The following GSE1 variants were observed in gnomAD, a reference collection of about 807,000 sequenced individuals.
GSE1 encodes the protein Gse1 coiled-coil protein.
Under a neutral mutation model 112.6 loss-of-function variants are expected in GSE1, and 32 were observed. The observed-to-expected ratio is 0.28, with a 90% CI of 0.21 to 0.38. The LOEUF is 0.38. Ranked by LOEUF, GSE1 falls within the 10% of genes least tolerant of loss-of-function variation. The probability of loss-of-function intolerance (pLI) is 1.00; values close to 1 mark genes in which losing one functional copy is unlikely to be tolerated. For missense variants in GSE1, 2,348 were observed against 1,699.2 expected, an observed-to-expected ratio of 1.38 and a Z score of -6.71; for synonymous variants, 1,115 against 735.6, an observed-to-expected ratio of 1.52 and a Z score of -8.35.
chr16:85,551,829 C>A (rs772669935), upstream of GSE1, among the ~76,000 whole-genome samples: 12 of 152,192 alleles, frequency 7.9e-5, no homozygotes, highest in Non-Finnish European at 1.8e-4. Context: ...TAAGGTAATT[C>A]GATGCAGGCA....
chr16:85,553,962 G>A (rs2045067405), upstream of GSE1, among the ~76,000 whole-genome samples: 1 of 152,078 alleles, frequency 6.6e-6, no homozygotes, highest in Non-Finnish European at 1.5e-5. Flanking sequence ...TGGTGTGAGC[G>A]CGGTGCCCCG....
intron 2 of GSE1, among the ~76,000 whole-genome samples, chr16:85,450,696 G>A (rs920958893): frequency 6.6e-6 from 1 of 151,618 alleles, no homozygotes; most frequent in East Asian, 2.0e-4. Context: ...TGATCCACCC[G>A]CCTTGGCCTC....
intron 2 of GSE1, among the ~76,000 whole-genome samples, chr16:85,415,529 G>A (rs766288803): frequency 1.3e-5 from 2 of 152,198 alleles, no homozygotes; most frequent in African/African-American, 2.4e-5. Flanking sequence ...CTCCCCGAAG[G>A]CAAGGCAGAT....
At chr16:85,509,572 G>A (rs944712931) in intron 2 of GSE1, among the ~76,000 whole-genome samples, 1 of 152,248 alleles carries the variant, frequency 6.6e-6, no homozygotes, top group African/African-American at 2.4e-5. Flanking sequence ...CTTGCCTGGT[G>A]CTTTGCGGGT....
upstream of GSE1, chr16:85,613,274 C>T (rs2048116310): frequency 6.5e-7 from 1 of 1,536,348 alleles, no homozygotes; most frequent in East Asian, 2.6e-5. Context: ...CTCCACCTCC[C>T]CAGCGGGCCC....
intron 2 of GSE1, among the ~76,000 whole-genome samples, chr16:85,462,831 C>T (rs1393463257): frequency 2.8e-5 from 4 of 144,110 alleles, no homozygotes; most frequent in African/African-American, 5.0e-5. Context: ...GCGGCGTGAG[C>T]GGCTGCGGGG....
At position 85,587,178 on chromosome 16, in the gene GSE1, C is replaced by A. The variant is rs989507988; in HGVS notation, c.37+30815C>A. Among the ~76,000 whole-genome samples, 16 of 150,784 alleles carry A rather than the reference C, an allele frequency of 1.1e-4. No individual in the cohort carries two copies. In the East Asian group the frequency reaches 1.2e-3, roughly 11 times the overall value. On this transcript the variant is annotated intron_variant, in intron 1 of 2. Transcript: ENST00000635906. The stretch of plus-strand genomic sequence containing the variant: ...TGGTCTGAGGACGAAACCCCCCCCC[C>A]CCCAGACCAGACCCCATGGTCTGGA...
intron 1 of GSE1, among the ~76,000 whole-genome samples, chr16:85,625,555 T>G (rs2049013450): frequency 6.6e-6 from 1 of 152,158 alleles, no homozygotes; most frequent in Non-Finnish European, 1.5e-5. Context: ...TGTCCAATGC[T>G]GTTGTGTGGA....
chr16:85,403,958 T>C (rs1372105707), intron 2 of GSE1, among the ~76,000 whole-genome samples: 1 of 152,310 alleles, frequency 6.6e-6, no homozygotes, highest in African/African-American at 2.4e-5. Flanking sequence ...CTTCCAGGGC[T>C]TGTGGCCGCT....
At chr16:85,628,563 C>G (rs1218837195) in intron 1 of GSE1, among the ~76,000 whole-genome samples, 1 of 152,178 alleles carries the variant, frequency 6.6e-6, no homozygotes, top group African/African-American at 2.4e-5. Flanking sequence ...GGCTGGGGAG[C>G]TGTGGGTGAG....
At chr16:85,653,083 C>G (rs952352269) in intron 3 of GSE1, among the ~76,000 whole-genome samples, 3 of 150,042 alleles carry the variant, frequency 2.0e-5, no homozygotes, top group African/African-American at 4.9e-5. Context: ...GGGGAAGATG[C>G]TGGGGCTGAG....
At chr16:85,565,883 A>T (rs1473630199) in intron 1 of GSE1, among the ~76,000 whole-genome samples, 1 of 152,176 alleles carries the variant, frequency 6.6e-6, no homozygotes, top group Non-Finnish European at 1.5e-5. Flanking sequence ...TGTCCTTGCC[A>T]GTCTTCTGGT....
At chr16:85,276,002 T>G (rs1207329371) in intron 1 of GSE1, among the ~76,000 whole-genome samples, 2 of 152,212 alleles carry the variant, frequency 1.3e-5, no homozygotes, top group Non-Finnish European at 2.9e-5. Flanking sequence ...CTCCCAGCGA[T>G]GGGCAAACAG....
chr16:85,440,084 G>T (rs547513065), intron 2 of GSE1, among the ~76,000 whole-genome samples: 4 of 152,366 alleles, frequency 2.6e-5, no homozygotes, highest in Admixed American at 1.3e-4. Flanking sequence ...GACATCCCGT[G>T]TCTTGTTCTC....
At chr16:85,351,353 A>G (rs1279268608) in intron 1 of GSE1, among the ~76,000 whole-genome samples, 2 of 152,238 alleles carry the variant, frequency 1.3e-5, no homozygotes, top group Admixed American at 6.5e-5. Flanking sequence ...ACACTACAAC[A>G]TGACAAACCT....
At chr16:85,478,966 TCC>T (rs1491110227) in intron 2 of GSE1, among the ~76,000 whole-genome samples, 3 of 18,280 alleles carry the variant, frequency 1.6e-4, no homozygotes, top group African/African-American at 2.2e-3. Context: ...TTTCTTTCTT[TCC>T]TTCCTTCCTT....
At chr16:85,636,240 C>T (rs542489903) in intron 2 of GSE1, among the ~76,000 whole-genome samples, 25 of 152,316 alleles carry the variant, frequency 1.6e-4, no homozygotes, top group Admixed American at 5.9e-4. Flanking sequence ...AGCGGGCGAG[C>T]AGTGCCACTG....
Position 85,615,264 on chromosome 16 carries a change from C to T in GSE1, c.7+1866C>T, listed in dbSNP as rs137882357. On this transcript the variant is annotated intron_variant, in intron 1 of 15. Coordinates refer to ENST00000253458, the MANE Select transcript of GSE1 (RefSeq NM_014615.5). ...CGACGGCGAAGTGTGTCATCCCGGCCGCCGGCTGTGCAGGGAGTCGCCCCG... is the reference window on the plus strand; with the variant it reads ...CGACGGCGAAGTGTGTCATCCCGGCTGCCGGCTGTGCAGGGAGTCGCCCCG... 6.4e-3 allele frequency among the ~76,000 whole-genome samples: 973 copies of T among 152,274 alleles called. 3 individuals are homozygous for T. The highest frequency in any genetic ancestry group is 0.01 in the Middle Eastern group (3 of 294).
At chr16:85,658,469 T>C (rs1219923150) in intron 8 of GSE1, among the ~76,000 whole-genome samples, 7 of 152,252 alleles carry the variant, frequency 4.6e-5, no homozygotes, top group African/African-American at 1.7e-4. Flanking sequence ...GATGCTGTCC[T>C]GGGATAAGAA....
Sources: allele counts gnomAD v4.1 joint callset (sites outside exome capture counted in the v4.1 genomes callset), GRCh38; gene constraint gnomAD v4.1.1; transcripts MANE v1.5; gene names NCBI Gene and HGNC (gene_info 2026-07-23, HGNC 2026-07-21).